The following CCDC85A variants were observed in gnomAD, a reference collection of about 807,000 sequenced individuals.
CCDC85A encodes the protein coiled-coil domain containing 85A, also known as coiled-coil domain-containing protein 85A.
CCDC85A carries 38 observed loss-of-function variants against 50.2 expected under a neutral mutation model. The observed-to-expected ratio is 0.76, with a 90% CI of 0.58 to 0.99. The LOEUF is 0.99. Ranked by LOEUF, CCDC85A falls within the 50% of genes least tolerant of loss-of-function variation. The probability of loss-of-function intolerance (pLI) is 0.00; values close to 1 mark genes in which losing one functional copy is unlikely to be tolerated. For missense variants in CCDC85A, 820 were observed against 742.0 expected (o/e 1.11, Z -1.22); for synonymous variants, 366 against 301.4 (o/e 1.21, Z -2.22).
intron 5 of CCDC85A, chr2:56,383,714 G>C (rs1676695634): frequency 1.0e-6 from 1 of 984,926 alleles, no homozygotes; most frequent in Non-Finnish European, 1.2e-6. Context: ...GTGGCCCTAA[G>C]ACTACCACCT....
At chr2:56,254,730 C>G (rs941040054) in intron 2 of CCDC85A, among the ~76,000 whole-genome samples, 19 of 152,094 alleles carry the variant, frequency 1.2e-4, no homozygotes, top group African/African-American at 4.3e-4. Flanking sequence ...GTCATGACAG[C>G]ATATAAGTAG....
intron 2 of CCDC85A, among the ~76,000 whole-genome samples, chr2:56,214,375 C>G (rs1677308690): frequency 1.3e-5 from 2 of 151,926 alleles, no homozygotes; most frequent in Admixed American, 1.3e-4. Flanking sequence ...AAAATGTCTA[C>G]TTTGAGTTAT....
chr2:56,286,895 A>G (rs761284570), intron 2 of CCDC85A, among the ~76,000 whole-genome samples: 10 of 152,054 alleles, frequency 6.6e-5, no homozygotes, highest in African/African-American at 9.7e-5. Context: ...GGTTTTCTTG[A>G]TCCTGTTGGA....
intron 3 of CCDC85A, among the ~76,000 whole-genome samples, chr2:56,358,647 T>A: frequency 6.6e-6 from 1 of 152,230 alleles, no homozygotes; most frequent in East Asian, 1.9e-4. Flanking sequence ...CAAGTGTGGC[T>A]GTATTAGAAT....
At chr2:56,267,174 TA>T in intron 2 of CCDC85A, among the ~76,000 whole-genome samples, 1 of 152,240 alleles carries the variant, frequency 6.6e-6, no homozygotes, top group East Asian at 1.9e-4. Context: ...TCACTGGCCC[TA>T]AAAATAGCAA....
At chr2:56,242,349 A>G (rs1669300259) in intron 2 of CCDC85A, among the ~76,000 whole-genome samples, 1 of 152,262 alleles carries the variant, frequency 6.6e-6, no homozygotes, top group East Asian at 1.9e-4. Flanking sequence ...TACAGGAAGC[A>G]TTGTGCTTGC....
intron 2 of CCDC85A, among the ~76,000 whole-genome samples, chr2:56,208,186 A>G (rs1170941295): frequency 1.3e-5 from 2 of 152,308 alleles, no homozygotes; most frequent in African/African-American, 2.4e-5. Context: ...ATGAGGTCAC[A>G]TGTCTGCTTT....
intron 2 of CCDC85A, among the ~76,000 whole-genome samples, chr2:56,260,773 G>C (rs568043819): frequency 6.6e-6 from 1 of 152,308 alleles, no homozygotes; most frequent in Admixed American, 6.5e-5. Context: ...TTTAGTAAAG[G>C]AAAAGGTCAT....
intron 2 of CCDC85A, among the ~76,000 whole-genome samples, chr2:56,295,121 A>G (rs1275382853): frequency 6.8e-6 from 1 of 148,006 alleles, no homozygotes; most frequent in Non-Finnish European, 1.5e-5. Flanking sequence ...TGAATGGACC[A>G]GTTGTTTTGG....
Position 56,193,358 on chromosome 2 carries a change from A to G in CCDC85A, c.1158A>G (p.Gly386=), listed in dbSNP as rs1045327577. 3.7e-6 allele frequency: 6 copies of G among 1,611,372 alleles called. No homozygotes were observed. Among genetic ancestry groups the G allele is most frequent in the Middle Eastern group, 3.3e-4 (2 of 6,060 alleles). ...GTGGAGGAAGTGGAGGCAGCGGCGGAGGCAGCAGGGAGGGCACCCTCAGAC... is the reference window on the plus strand; with the variant it reads ...GTGGAGGAAGTGGAGGCAGCGGCGGGGGCAGCAGGGAGGGCACCCTCAGAC... ...GGSGGSGGSG[G]GSREGTLRRQ... Residue 386 remains glycine, a synonymous_variant, in exon 2 of 6, where the codon GGA becomes GGG. Transcript: ENST00000407595.
chr2:56,360,938 AC>A (rs1337190692), intron 3 of CCDC85A, among the ~76,000 whole-genome samples: 1 of 152,228 alleles, frequency 6.6e-6, no homozygotes, highest in African/African-American at 2.4e-5. Context: ...TTTTCTTAGC[AC>A]AAGCAAAACA....
chr2:56,342,196 C>CTTCTTTT (rs113818898), intron 2 of CCDC85A, among the ~76,000 whole-genome samples: 35 of 148,030 alleles, frequency 2.4e-4, no homozygotes, highest in African/African-American at 8.1e-4. Context: ...TTCTCTAATA[C>CTTCTTTT]TTTTTTTTTT....
At chr2:56,190,676 C>A (rs1216123421) in intron 1 of CCDC85A, among the ~76,000 whole-genome samples, 1 of 152,094 alleles carries the variant, frequency 6.6e-6, no homozygotes, top group East Asian at 1.9e-4. Flanking sequence ...CTTTGAGGAC[C>A]TGAAACACAG....
At position 56,194,424 on chromosome 2, in the gene CCDC85A, G is replaced by A. The variant is rs141983345; in HGVS notation, c.1240+984G>A. Among the ~76,000 whole-genome samples, 642 of 152,250 alleles carry A rather than the reference G, an allele frequency of 4.2e-3. 5 individuals are homozygous for A. The highest frequency in any genetic ancestry group is 0.024 in the Middle Eastern group (7 of 294). ...CCTATGGTTGAGTTGGATCTAAAAC[G>A]ATTGATTTTATATACTGTGGGGTTT... On this transcript the variant is annotated intron_variant, in intron 2 of 5. Transcript: ENST00000407595.
Position 56,184,027 on chromosome 2 carries a change from A to G in CCDC85A, c.-598A>G. On this transcript the variant is annotated 5_prime_UTR_variant, in exon 1 of 6. Transcript: ENST00000407595. ...GCTCTGCAAATCGAAGGCTTTCCGG[A>G]GCAGCCTAGGAGCGGCCGCGGGCGC... is the stretch of plus-strand genomic sequence containing the variant. 1.0e-6 allele frequency: 1 copy of G among 985,124 alleles called. No individual in the cohort carries two copies. The highest frequency in any genetic ancestry group is 1.2e-6 in the Non-Finnish European group (1 of 829,746). 61.0% of individuals were successfully genotyped at this position (985,124 alleles called of 1,614,324 possible).
chr2:56,270,263 T>C (rs1670640129), intron 2 of CCDC85A, among the ~76,000 whole-genome samples: 1 of 152,220 alleles, frequency 6.6e-6, no homozygotes, highest in Non-Finnish European at 1.5e-5. Flanking sequence ...TAAAAAATGT[T>C]ATTTATGTAA....
rs978405359 is a variant in CCDC85A, at chr2:56,197,362, C to T, written c.1240+3922C>T. 4.6e-5 allele frequency among the ~76,000 whole-genome samples: 7 copies of T among 152,274 alleles called. No homozygotes were observed. In the East Asian group the frequency reaches 5.8e-4, roughly 13 times the overall value. On this transcript the variant is annotated intron_variant, in intron 2 of 5. Transcript: ENST00000407595. ...AAAAATGTCTCTAGACACTGCCAGA[C>T]GTTCCAGGGTTGCGGGGGGTTGTAG...
In CCDC85A at chr2:56,319,051, T is replaced by C. The variant is rs185465872; in HGVS notation, c.1241-23828T>C. Among the ~76,000 whole-genome samples the C allele has an allele frequency of 3.7e-3, 564 of 152,194 alleles. 5 individuals carry two copies. Among genetic ancestry groups the C allele is most frequent in the Non-Finnish European group, 1.6e-3 (110 of 67,994 alleles). On this transcript the variant is annotated intron_variant, in intron 2 of 5. Transcript: ENST00000407595. ...GCAGAGTAAAGCAAGCAACCATCTCTGCTGGAGAGAGCCAGAAATGGGGAG... is the reference window on the plus strand; with the variant it reads ...GCAGAGTAAAGCAAGCAACCATCTCCGCTGGAGAGAGCCAGAAATGGGGAG...
At chr2:56,334,842 T>C (rs1673993575) in intron 2 of CCDC85A, among the ~76,000 whole-genome samples, 1 of 152,052 alleles carries the variant, frequency 6.6e-6, no homozygotes, top group African/African-American at 2.4e-5. Context: ...CTAAGAGAGC[T>C]CTGGGCCAAA....
Sources: gnomAD v4.1 joint callset for allele counts (sites outside exome capture counted in the v4.1 genomes callset) on GRCh38, gnomAD v4.1.1 for gene constraint, MANE v1.5 for transcripts, NCBI Gene and HGNC (gene_info 2026-07-23, HGNC 2026-07-21) for gene names.